The following SCLT1 variants were observed in gnomAD, a reference collection of about 807,000 sequenced individuals.
SCLT1 encodes the protein sodium channel-associated protein 1.
Under a neutral mutation model 112.8 loss-of-function variants are expected in SCLT1, and 78 were observed. The observed-to-expected ratio is 0.69, with a 90% CI of 0.58 to 0.83. SCLT1 has a LOEUF of 0.83. Ranked by LOEUF, SCLT1 falls within the 40% of genes least tolerant of loss-of-function variation. The pLI, the probability that SCLT1 is intolerant of heterozygous loss-of-function variation, is 0.00. For missense variants in SCLT1, 747 were observed against 770.4 expected (o/e 0.97, Z 0.36); for synonymous variants, 257 against 254.7 (o/e 1.01, Z -0.09).
At chr4:128,873,273 GAAAAA>G (rs1553953485) in intron 5 of SCLT1, 1 of 78,660 alleles carries the variant, frequency 1.3e-5, no homozygotes, top group Non-Finnish European at 2.7e-5. Flanking sequence ...AAAAAAAAAA[GAAAAA>G]AAGAAAAAAA....
Position 128,992,256 on chromosome 4 carries a change from AG to A in SCLT1, c.616-20del. On this transcript the variant is annotated intron_variant, in intron 8 of 20. Coordinates refer to ENST00000281142, the MANE Select transcript of SCLT1 (RefSeq NM_144643.4). ...GGTTAGTCTGCCACAAGAAAAAAAA[AG>A]AATCAGTATTAGAATATTTAATAAC... 6.6e-7 allele frequency: 1 copy of A among 1,504,614 alleles called. No homozygotes were observed. Among genetic ancestry groups the A allele is most frequent in the South Asian group, 1.2e-5 (1 of 85,418 alleles). The allele number at this position is 1,504,614 out of a possible 1,614,324, so 93.2% of individuals were successfully genotyped here.
At chr4:128,929,111 A>G (rs1736549400) in intron 18 of SCLT1, among the ~76,000 whole-genome samples, 1 of 152,236 alleles carries the variant, frequency 6.6e-6, no homozygotes, top group South Asian at 2.1e-4. Flanking sequence ...CTATTGATAG[A>G]TGATATGACC....
intron 2 of SCLT1, among the ~76,000 whole-genome samples, chr4:129,080,130 G>A (rs1467836382): frequency 6.6e-6 from 1 of 152,198 alleles, no homozygotes; most frequent in African/African-American, 2.4e-5. Context: ...GATGGTAGGG[G>A]CTGTGGTGAA....
intron 9 of SCLT1, among the ~76,000 whole-genome samples, chr4:128,988,756 C>T (rs977431795): frequency 2.0e-5 from 3 of 151,780 alleles, no homozygotes; most frequent in Non-Finnish European, 2.9e-5. Flanking sequence ...TATAAAGACA[C>T]CCAAAGACTG....
chr4:129,023,663 C>T (rs746544783), intron 5 of SCLT1, among the ~76,000 whole-genome samples: 1 of 152,144 alleles, frequency 6.6e-6, no homozygotes, highest in African/African-American at 2.4e-5. Flanking sequence ...GTTCATCTCA[C>T]TAGGGGGTGC....
chr4:129,082,601 C>A (rs1448030475), intron 1 of SCLT1, among the ~76,000 whole-genome samples: 1 of 152,124 alleles, frequency 6.6e-6, no homozygotes, highest in Non-Finnish European at 1.5e-5. Flanking sequence ...ATAACATCTG[C>A]AAAGAACTAC....
intron 18 of SCLT1, among the ~76,000 whole-genome samples, chr4:128,894,175 C>T (rs318508): frequency 0.52 from 78,897 of 151,728 alleles, 20,952 homozygotes; most frequent in African/African-American, 0.62. Context: ...CTCCTGGGCT[C>T]AAGCAGTCCT....
intron 13 of SCLT1, among the ~76,000 whole-genome samples, chr4:128,956,653 G>A (rs1739237345): frequency 6.6e-6 from 1 of 152,008 alleles, no homozygotes; most frequent in Non-Finnish European, 1.5e-5. Flanking sequence ...TTGGGAGAAA[G>A]CAAACATTTT....
chr4:129,082,157 A>G (rs1461612687), intron 2 of SCLT1, 149 bp downstream of exon 2: 2 of 397,102 alleles, frequency 5.0e-6, no homozygotes, highest in Admixed American at 4.4e-5. Flanking sequence ...TTGGGGGGAA[A>G]AGGGCAATTT....
Position 128,962,706 on chromosome 4 carries a change from G to A in SCLT1, c.869+2521C>T, listed in dbSNP as rs73847317. Among the ~76,000 whole-genome samples the A allele has an allele frequency of 3.8e-3, 571 of 152,234 alleles. 1 individual carries two copies. Among genetic ancestry groups the A allele is most frequent in the African/African-American group, 0.011 (473 of 41,550 alleles). The stretch of plus-strand genomic sequence containing the variant: ...ATACACAACTTGTTTATCCACCTAT[G>A]TAAAACCTCAGACCCCTTCCTTTTC... On this transcript the variant is annotated intron_variant, in intron 11 of 20. Transcript: ENST00000281142.
At chr4:129,060,185 T>G (rs1449859767) in intron 2 of SCLT1, among the ~76,000 whole-genome samples, 1 of 152,196 alleles carries the variant, frequency 6.6e-6, no homozygotes, top group Non-Finnish European at 1.5e-5. Flanking sequence ...TTTGATTCAT[T>G]TTAGTGATTT....
intron 5 of SCLT1, among the ~76,000 whole-genome samples, chr4:129,020,655 G>T (rs1328331986): frequency 6.6e-6 from 1 of 152,186 alleles, no homozygotes; most frequent in African/African-American, 2.4e-5. Flanking sequence ...GAACACACCT[G>T]TAGATACATT....
intron 9 of SCLT1, among the ~76,000 whole-genome samples, chr4:128,986,167 G>T (rs1742074744): frequency 6.6e-6 from 1 of 152,096 alleles, no homozygotes; most frequent in African/African-American, 2.4e-5. Flanking sequence ...TTGTGTGCTA[G>T]GGGGAGGGAG....
At chr4:128,991,714 T>C (rs1037233131) in intron 9 of SCLT1, among the ~76,000 whole-genome samples, 79 of 151,936 alleles carry the variant, frequency 5.2e-4, no homozygotes, top group Middle Eastern at 3.4e-3. Flanking sequence ...AATAGGTATA[T>C]GAAAAAATGC....
chr4:129,073,352 G>A (rs1414280146), intron 2 of SCLT1, among the ~76,000 whole-genome samples: 2 of 152,126 alleles, frequency 1.3e-5, no homozygotes, highest in Admixed American at 6.5e-5. Flanking sequence ...TTGTTCAGAA[G>A]TTACTTACAA....
At position 128,999,015 on chromosome 4, in the gene SCLT1, G is replaced by C. The variant is rs72924115; in HGVS notation, c.549+657C>G. 4.8e-3 allele frequency among the ~76,000 whole-genome samples: 732 copies of C among 152,032 alleles called. 4 individuals are homozygous for C. The highest frequency in any genetic ancestry group is 0.016 in the African/African-American group (665 of 41,554). The stretch of plus-strand genomic sequence containing the variant: ...TAAAAGAACCAACAGAAGAATAAAA[G>C]AGGTAGATTTCCAAATGGAATAGAT... On this transcript the variant is annotated intron_variant, in intron 7 of 20. Transcript: ENST00000281142.
chr4:128,978,756 A>G (rs1363210819), intron 9 of SCLT1, among the ~76,000 whole-genome samples: 1 of 152,186 alleles, frequency 6.6e-6, no homozygotes, highest in African/African-American at 2.4e-5. Flanking sequence ...AGGGAGGTCT[A>G]TACATCTGAA....
At chr4:129,081,829 T>C (rs1016689422) in intron 2 of SCLT1, among the ~76,000 whole-genome samples, 1 of 152,216 alleles carries the variant, frequency 6.6e-6, no homozygotes, top group Non-Finnish European at 1.5e-5. Flanking sequence ...CTACGAGCCA[T>C]TACCTTCCTT....
chr4:129,011,868 G>C (rs1054146088), intron 5 of SCLT1, among the ~76,000 whole-genome samples: 7 of 152,034 alleles, frequency 4.6e-5, no homozygotes, highest in African/African-American at 9.7e-5. Flanking sequence ...TATTTCTGTG[G>C]GGTCAGTGGT....
Sources: gnomAD v4.1 joint callset for allele counts (sites outside exome capture counted in the v4.1 genomes callset) on GRCh38, gnomAD v4.1.1 for gene constraint, MANE v1.5 for transcripts, NCBI Gene and HGNC (gene_info 2026-07-23, HGNC 2026-07-21) for gene names.